The following TMEM237 variants were observed in gnomAD, a reference collection of about 807,000 sequenced individuals.
The protein encoded by TMEM237 is amyotrophic lateral sclerosis 2 (juvenile) chromosome region, candidate 4.
TMEM237 carries 51 observed loss-of-function variants against 59.1 expected under a neutral mutation model. The observed-to-expected ratio is 0.86, with a 90% CI of 0.69 to 1.09. The LOEUF (loss-of-function observed/expected upper bound fraction) is 1.09, where lower values mean the gene tolerates loss of function less well. Ranked by LOEUF, TMEM237 falls within the 50% of genes least tolerant of loss-of-function variation. The pLI is 0.00. For synonymous variants in TMEM237, 140 were observed against 166.1 expected, an observed-to-expected ratio of 0.84 and a Z score of 1.21; for missense variants, 475 against 478.3, an observed-to-expected ratio of 0.99 and a Z score of 0.06.
Position 201,643,313 on chromosome 2 carries a change from T to A in TMEM237, c.42+46A>T. The A allele has an allele frequency of 7.0e-7, 1 of 1,421,930 alleles. No homozygotes were observed. Among genetic ancestry groups the A allele is most frequent in the Non-Finnish European group, 9.6e-7 (1 of 1,043,126 alleles). 88.1% of individuals were successfully genotyped at this position (1,421,930 alleles called of 1,614,324 possible). ...ACCCACCCCCACTGCCAAGTGTAGC[T>A]GTTTACCCGCCACCTCTCGAGGCCG... On this transcript the variant is annotated intron_variant, in intron 1 of 12. Transcript: ENST00000409883. This position sits in a 1 kb window ranked among gnomAD's most constrained non-coding sequence, Gnocchi z 4.3.
chr2:201,628,011 T>A (rs1957774048), intron 10 of TMEM237, 65 bp downstream of exon 10: 1 of 1,194,836 alleles, frequency 8.4e-7, no homozygotes, highest in Admixed American at 2.5e-5. Flanking sequence ...ATTATATTTA[T>A]CCTGGTTCAA....
intron 4 of TMEM237, 41 bp from the exon 5 acceptor site, chr2:201,636,926 C>A: frequency 1.9e-6 from 3 of 1,558,124 alleles, no homozygotes; most frequent in Non-Finnish European, 1.7e-6. Flanking sequence ...ATTACTTGAG[C>A]AAAGATCACT....
intron 1 of TMEM237, among the ~76,000 whole-genome samples, chr2:201,641,165 T>G (rs1687408190): frequency 6.6e-6 from 1 of 152,126 alleles, no homozygotes; most frequent in Non-Finnish European, 1.5e-5. Context: ...CTAATTTTTG[T>G]ATTTTTAGTA....
chr2:201,627,587 GAAC>G (rs1053040960), intron 10 of TMEM237, 173 bp from the exon 11 acceptor site: 9 of 510,666 alleles, frequency 1.8e-5, no homozygotes, highest in Admixed American at 1.7e-4. Flanking sequence ...AAATTTTTGA[GAAC>G]AATAGGTGCA....
chr2:201,642,730 C>A (rs916198169), intron 1 of TMEM237: 2 of 1,527,478 alleles, frequency 1.3e-6, no homozygotes, highest in Middle Eastern at 1.7e-4. Context: ...TCGGGCCGCG[C>A]CGCCTGGCTA....
At chr2:201,637,597 A>T (rs890219843) in intron 4 of TMEM237, among the ~76,000 whole-genome samples, 3 of 152,072 alleles carry the variant, frequency 2.0e-5, no homozygotes, top group Non-Finnish European at 1.5e-5. Flanking sequence ...TACAAAAATT[A>T]GCCGGGTGTA....
intron 6 of TMEM237, among the ~76,000 whole-genome samples, chr2:201,632,607 C>A (rs1168299595): frequency 6.6e-6 from 1 of 152,190 alleles, no homozygotes; most frequent in Non-Finnish European, 1.5e-5. Context: ...GGGCTTCCCC[C>A]TTCACTCAGC....
chr2:201,642,774 C>T lies in TMEM237; in HGVS notation c.42+585G>A, dbSNP rs978509713. On this transcript the variant is annotated intron_variant, in intron 1 of 12. Transcript: ENST00000409883. The stretch of plus-strand genomic sequence containing the variant: ...CGCGCAGCGCCCTGCGGGGATGTTG[C>T]GGTGAGAGGCGTGCAGGGACCTGGA... 7.7e-6 allele frequency: 11 copies of T among 1,430,706 alleles called. No homozygotes were observed. In the African/African-American group the frequency reaches 1.1e-4, roughly 14 times the overall value. 88.6% of individuals were successfully genotyped at this position (1,430,706 alleles called of 1,614,324 possible). A position where few individuals can be genotyped will look rare whatever the true frequency, so the allele number is the denominator to read the frequency against.
Position 201,643,071 on chromosome 2 carries a change from C to A in TMEM237, c.42+288G>T, listed in dbSNP as rs1303019862. ...GCTGGAAGCCCCGGCACCCGCCGGG[C>A]CCCGGGCCTCAGATGAGTGAGGCGT... On this transcript the variant is annotated intron_variant, in intron 1 of 12. Coordinates refer to ENST00000409883, the MANE Select transcript of TMEM237 (RefSeq NM_001044385.3). The surrounding 1 kb of genome is among the most constrained non-coding windows in gnomAD (Gnocchi z 4.3). The A allele has an allele frequency of 1.8e-6, 2 of 1,130,294 alleles. No homozygotes were observed. Among genetic ancestry groups the A allele is most frequent in the Non-Finnish European group, 2.3e-6 (2 of 862,230 alleles). 70.0% of individuals were successfully genotyped at this position (1,130,294 alleles called of 1,614,324 possible).
chr2:201,635,266 G>A lies in TMEM237; in HGVS notation c.274+1482C>T, dbSNP rs1449824025. Among the ~76,000 whole-genome samples the A allele has an allele frequency of 6.6e-6, 1 of 152,128 alleles. No individual in the cohort carries two copies. Among genetic ancestry groups the A allele is most frequent in the Admixed American group, 6.6e-5 (1 of 15,262 alleles). ...ATACCTGTGAGTGTAACCTTATTTGGAAACAAGAGTCTTTGCAGATGAAAT... is the reference window on the plus strand; with the variant it reads ...ATACCTGTGAGTGTAACCTTATTTGAAAACAAGAGTCTTTGCAGATGAAAT... On this transcript the variant is annotated intron_variant, in intron 5 of 12. Transcript: ENST00000409883. The surrounding 1 kb of genome is among the most constrained non-coding windows in gnomAD (Gnocchi z 4.5).
chr2:201,642,934 G>A (rs1559591975), intron 1 of TMEM237: 1 of 1,326,492 alleles, frequency 7.5e-7, no homozygotes, highest in Non-Finnish European at 9.6e-7. Flanking sequence ...GCGGTGATTT[G>A]TTTGCGGGAA....
rs766150401 is a variant in TMEM237 at position 201,632,198 on chromosome 2, G to A, written c.406C>T (p.Pro136Ser). Residue 136 changes from proline to serine, a missense_variant, in exon 7 of 13, where the codon CCA (proline) becomes TCA (serine). Transcript: ENST00000409883. Reference sequence around the variant, plus strand: ...TCATTGGCATACTGTAATTCTGCTGGCTGGGTTTTCCTGTAATAAGGACGT... The same window carrying A: ...TCATTGGCATACTGTAATTCTGCTGACTGGGTTTTCCTGTAATAAGGACGT... Reference protein sequence around the residue: ...KPRRKTKKTQPAELQYANELG... With the variant: ...KPRRKTKKTQSAELQYANELG... The A allele has an allele frequency of 6.2e-7, 1 of 1,613,590 alleles. No homozygotes were observed.
At chr2:201,625,033 A>G (rs1165929019) in intron 12 of TMEM237, among the ~76,000 whole-genome samples, 1 of 152,196 alleles carries the variant, frequency 6.6e-6, no homozygotes. Context: ...TGGTCAAATA[A>G]AAAATAAAAT....
chr2:201,640,358 A>G, intron 2 of TMEM237, 93 bp from the exon 3 acceptor site: 1 of 1,214,658 alleles, frequency 8.2e-7, no homozygotes, highest in Non-Finnish European at 1.1e-6. Context: ...TTCACAGTGA[A>G]AATTGACTTA....
chr2:201,640,701 A>G (rs1687395538), intron 2 of TMEM237, among the ~76,000 whole-genome samples, 192 bp downstream of exon 2: 1 of 152,080 alleles, frequency 6.6e-6, no homozygotes, highest in African/African-American at 2.4e-5. Context: ...GCTTTTAAAT[A>G]TAACATTCCA....
intron 12 of TMEM237, among the ~76,000 whole-genome samples, 151 bp from the exon 13 acceptor site, chr2:201,624,473 T>C (rs1455814793): frequency 6.6e-6 from 1 of 152,180 alleles, no homozygotes; most frequent in Non-Finnish European, 1.5e-5. Context: ...CAGTGAAATA[T>C]GATTTAAAAG....
intron 4 of TMEM237, 52 bp from the exon 5 acceptor site, chr2:201,636,937 G>C: frequency 6.5e-7 from 1 of 1,530,098 alleles, no homozygotes. Flanking sequence ...AAAGATCACT[G>C]AATCTTAAAA....
intron 2 of TMEM237, 62 bp downstream of exon 2, chr2:201,640,831 T>C: frequency 7.3e-7 from 1 of 1,377,616 alleles, no homozygotes. Context: ...AGTCAATTTT[T>C]CCACTGTCTT....
At chr2:201,631,275 T>G (rs1402670296) in intron 7 of TMEM237, 1 of 152,186 alleles carries the variant, frequency 6.6e-6, no homozygotes, top group Non-Finnish European at 1.5e-5. Context: ...AGGGGCCTTC[T>G]CCAGTAACCT....
Sources: allele counts gnomAD v4.1 joint callset (sites outside exome capture counted in the v4.1 genomes callset), GRCh38; gene constraint gnomAD v4.1.1; non-coding constraint Gnocchi (gnomAD v3.1); transcripts MANE v1.5; gene names NCBI Gene and HGNC (gene_info 2026-07-23, HGNC 2026-07-21).